CNBD1: variants seen among roughly 807,000 people sequenced by gnomAD.
CNBD1 encodes the protein cyclic nucleotide binding domain containing 1, also known as cyclic nucleotide-binding domain-containing protein 1.
A neutral mutation model predicts 54.4 loss-of-function variants in CNBD1; 71 were observed. The ratio of observed to expected loss-of-function variants is 1.30; its 90% CI spans 1.08 to 1.59. The LOEUF (loss-of-function observed/expected upper bound fraction) is 1.59, where lower values mean the gene tolerates loss of function less well. Among genes scored for constraint, CNBD1 ranks in the 40% most tolerant of loss-of-function variants. The pLI is 0.00. For synonymous variants in CNBD1, 182 were observed against 170.7 expected, an observed-to-expected ratio of 1.07 and a Z score of -0.51; for missense variants, 659 against 518.0, an observed-to-expected ratio of 1.27 and a Z score of -2.64.
chr8:87,225,849 A>G (rs369562570), intron 5 of CNBD1, among the ~76,000 whole-genome samples: 2,903 of 137,966 alleles, frequency 0.021, 100 homozygotes, highest in African/African-American at 0.085. Context: ...GGTAGAATTC[A>G]GCTGTGAATC....
chr8:87,279,274 G>A (rs55862403), intron 6 of CNBD1, among the ~76,000 whole-genome samples: 42,545 of 150,926 alleles, frequency 0.28, 6,440 homozygotes, highest in African/African-American at 0.39. Flanking sequence ...AAATGATAAT[G>A]AAAGAATATA....
chr8:87,270,532 A>T lies in CNBD1; in HGVS notation c.772-14146A>T, dbSNP rs544147607. 3.7e-4 allele frequency among the ~76,000 whole-genome samples: 57 copies of T among 152,100 alleles called. 2 individuals are homozygous for T. Among genetic ancestry groups the T allele is most frequent in the Admixed American group, 3.5e-3 (54 of 15,226 alleles). Reference sequence around the variant, plus strand: ...TTTGGTTGGGAGTGTAAATTAGTTCAACCATTGTGGAAAGCAGTGTGGTGA... The same window carrying T: ...TTTGGTTGGGAGTGTAAATTAGTTCTACCATTGTGGAAAGCAGTGTGGTGA... On this transcript the variant is annotated intron_variant, in intron 6 of 10. Transcript: ENST00000518476.
At chr8:86,959,393 C>T (rs1301784949) in intron 4 of CNBD1, among the ~76,000 whole-genome samples, 1 of 152,144 alleles carries the variant, frequency 6.6e-6, no homozygotes, top group Non-Finnish European at 1.5e-5. Context: ...TGATTGTTGG[C>T]CTGCCTTGCT....
intron 5 of CNBD1, among the ~76,000 whole-genome samples, chr8:87,215,340 A>G (rs1421040328): frequency 6.6e-6 from 1 of 152,134 alleles, no homozygotes; most frequent in Non-Finnish European, 1.5e-5. Context: ...AAGGGACATT[A>G]TTGCTGATGC....
intron 10 of CNBD1, among the ~76,000 whole-genome samples, chr8:87,375,333 G>A (rs75579800): frequency 0.035 from 5,268 of 151,876 alleles, 290 homozygotes; most frequent in African/African-American, 0.12. Flanking sequence ...ACAGAGAGAG[G>A]TAAGTGGAAT....
At chr8:87,247,272 G>C (rs1224574031) in intron 6 of CNBD1, among the ~76,000 whole-genome samples, 1 of 152,158 alleles carries the variant, frequency 6.6e-6, no homozygotes, top group East Asian at 1.9e-4. Flanking sequence ...ATGAGTTGCA[G>C]ATCCATTCCT....
rs34576530 is a variant in CNBD1 at position 87,261,529 on chromosome 8, CAAAA to C, written c.772-23134_772-23131del. Among the ~76,000 whole-genome samples the C allele has an allele frequency of 1.5e-3, 178 of 120,236 alleles. 1 individual carries two copies. Among genetic ancestry groups the C allele is most frequent in the African/African-American group, 4.9e-3 (163 of 33,150 alleles). 78.9% of individuals were successfully genotyped at this position (120,236 alleles called of 152,430 possible). ...TGGTGGAAGAAGTTTTATTTATAGA[CAAAA>C]AAAAAAAAAAAAAAGAGAAATGACA... On this transcript the variant is annotated intron_variant, in intron 6 of 10. Transcript: ENST00000518476.
chr8:86,884,423 GTCTA>G (rs1373427251), intron 1 of CNBD1, among the ~76,000 whole-genome samples: 8 of 152,140 alleles, frequency 5.3e-5, no homozygotes, highest in Admixed American at 5.2e-4. Flanking sequence ...GGTGCCTTAT[GTCTA>G]TCTAATATTA....
At chr8:87,333,167 T>C (rs1740369219) in intron 8 of CNBD1, among the ~76,000 whole-genome samples, 1 of 152,212 alleles carries the variant, frequency 6.6e-6, no homozygotes, top group Non-Finnish European at 1.5e-5. Context: ...GATTTTGCTC[T>C]CTGCTTGTTG....
intron 4 of CNBD1, among the ~76,000 whole-genome samples, chr8:87,180,833 G>T (rs568025935): frequency 1.3e-4 from 20 of 152,254 alleles, no homozygotes; most frequent in Admixed American, 1.3e-3. Context: ...ATATAATTTT[G>T]CAGAATAGTG....
At chr8:87,002,101 G>A (rs911385456) in intron 4 of CNBD1, among the ~76,000 whole-genome samples, 2 of 152,038 alleles carry the variant, frequency 1.3e-5, no homozygotes, top group Non-Finnish European at 2.9e-5. Flanking sequence ...AATGGTTTAG[G>A]CTCCAAGTCC....
intron 10 of CNBD1, among the ~76,000 whole-genome samples, chr8:87,363,616 C>CT (rs1037792051): frequency 3.9e-5 from 6 of 152,150 alleles, no homozygotes; most frequent in African/African-American, 1.2e-4. Context: ...TGATGATGAG[C>CT]TTTTTTTCAT....
rs888146156 is a variant in CNBD1 at position 87,336,302 on chromosome 8, G to T, written c.1043-15383G>T. On this transcript the variant is annotated intron_variant, in intron 8 of 10. Coordinates refer to ENST00000518476, the MANE Select transcript of CNBD1 (RefSeq NM_173538.3). ...ATTCTGAAGTGTGCTTTCCAACTTG[G>T]TTCCATTCTCCCTGTCCCTTTCAGG... 5.9e-5 allele frequency among the ~76,000 whole-genome samples: 9 copies of T among 152,222 alleles called. No homozygotes were observed. The East Asian group carries it at 1.4e-3, about 23-fold the overall frequency.
chr8:86,939,831 T>G, intron 4 of CNBD1, 77 bp downstream of exon 4: 1 of 928,612 alleles, frequency 1.1e-6, no homozygotes. Context: ...GTTTATTGTT[T>G]GTGGGTAAGT....
At chr8:87,206,228 TAAC>T (rs1396220801) in intron 5 of CNBD1, 90 bp downstream of exon 5, 21 of 1,041,386 alleles carry the variant, frequency 2.0e-5, no homozygotes, top group Non-Finnish European at 2.5e-5. Flanking sequence ...TAATTTCACT[TAAC>T]AATTTCAGTT....
rs938870973 is a variant in CNBD1, at chr8:87,407,377, C to T, written c.214-21169C>T. On this transcript the variant is annotated intron_variant, in intron 2 of 7. Transcript: ENST00000521593. ...TATTATTGTATAATACCCTTTTGTACGAACATACTATATGATGTTATTGAT... is the reference window on the plus strand; with the variant it reads ...TATTATTGTATAATACCCTTTTGTATGAACATACTATATGATGTTATTGAT... Among the ~76,000 whole-genome samples the T allele has an allele frequency of 6.6e-5, 10 of 151,758 alleles. No individual in the cohort carries two copies. In the East Asian group the frequency reaches 9.7e-4, roughly 15 times the overall value.
intron 4 of CNBD1, among the ~76,000 whole-genome samples, chr8:87,052,452 C>T (rs183613326): frequency 1.4e-4 from 22 of 152,258 alleles, no homozygotes; most frequent in East Asian, 7.7e-4. Flanking sequence ...AGTAGTTAAG[C>T]GATTTGGCCC....
At chr8:87,130,628 A>C (rs1812098113) in intron 4 of CNBD1, among the ~76,000 whole-genome samples, 1 of 151,938 alleles carries the variant, frequency 6.6e-6, no homozygotes, top group East Asian at 1.9e-4. Flanking sequence ...AATACAACAA[A>C]ATGGCTGGGT....
At chr8:87,393,158 T>C (rs1811343054) in intron 2 of CNBD1, among the ~76,000 whole-genome samples, 1 of 151,902 alleles carries the variant, frequency 6.6e-6, no homozygotes, top group Admixed American at 6.6e-5. Flanking sequence ...TTAGGCATGT[T>C]AGTTCTGCAG....
Sources: gnomAD v4.1 joint callset for allele counts (sites outside exome capture counted in the v4.1 genomes callset) on GRCh38, gnomAD v4.1.1 for gene constraint, MANE v1.5 for transcripts, NCBI Gene and HGNC (gene_info 2026-07-23, HGNC 2026-07-21) for gene names.